Variants in MARCHF8 observed in about 807,000 individuals in gnomAD.
MARCHF8 encodes the protein E3 ubiquitin-protein ligase MARCHF8.
MARCHF8 carries 40 observed loss-of-function variants against 51.6 expected under a neutral mutation model. That is an observed-to-expected ratio of 0.77 (90% confidence interval 0.60 to 1.01). MARCHF8 has a LOEUF of 1.01. MARCHF8 is among the 50% of genes least tolerant of loss of function. MARCHF8 has a pLI of 0.00. For synonymous variants in MARCHF8, 263 were observed against 280.3 expected, an observed-to-expected ratio of 0.94 and a Z score of 0.62; for missense variants, 685 against 708.6, an observed-to-expected ratio of 0.97 and a Z score of 0.38.
At chr10:45,543,573 C>T (rs986201637) in intron 1 of MARCHF8, among the ~76,000 whole-genome samples, 4 of 151,116 alleles carry the variant, frequency 2.6e-5, no homozygotes, top group South Asian at 2.1e-4. Context: ...CCGAGGCAGG[C>T]GGATCACAAG....
chr10:45,529,058 G>A (rs1278602998), intron 2 of MARCHF8, among the ~76,000 whole-genome samples: 1 of 152,174 alleles, frequency 6.6e-6, no homozygotes, highest in East Asian at 1.9e-4. Flanking sequence ...CAAATTACTT[G>A]ACTTCAAATT....
chr10:45,505,076 A>T lies in MARCHF8; in HGVS notation c.103-15659T>A, dbSNP rs1042569172. ...TTAATCAAGATCTCACTGTTCAAAA[A>T]ACAAGACATATTATTAATCCAGCTA... is the stretch of plus-strand genomic sequence containing the variant. On this transcript the variant is annotated intron_variant, in intron 2 of 7. Transcript: ENST00000453424. 3.3e-5 allele frequency among the ~76,000 whole-genome samples: 5 copies of T among 152,226 alleles called. No individual in the cohort carries two copies. In the East Asian group the frequency reaches 7.7e-4, roughly 23 times the overall value.
intron 2 of MARCHF8, among the ~76,000 whole-genome samples, chr10:45,528,439 T>C (rs939400935): frequency 6.6e-6 from 1 of 151,930 alleles, no homozygotes; most frequent in Non-Finnish European, 1.5e-5. Context: ...ATCAGTAGTA[T>C]TTCTTTTGTT....
intron 1 of MARCHF8, among the ~76,000 whole-genome samples, chr10:45,568,567 A>G (rs1564519101): frequency 1.3e-5 from 2 of 151,930 alleles, no homozygotes; most frequent in African/African-American, 4.8e-5. Flanking sequence ...AAAAATACAA[A>G]AATTAGCTGG....
rs572336577 is a variant in MARCHF8 at position 45,457,824 on chromosome 10, C to T, written c.*415G>A. The T allele has an allele frequency of 7.7e-4, 129 of 167,772 alleles. No homozygotes were observed. The highest frequency in any genetic ancestry group is 1.6e-3 in the Admixed American group (25 of 15,812). The allele number at this position is 167,772 out of a possible 1,614,324, so 10.4% of individuals were successfully genotyped here. On this transcript the variant is annotated 3_prime_UTR_variant, in exon 8 of 8. Coordinates refer to ENST00000453424, the MANE Select transcript of MARCHF8 (RefSeq NM_001282866.2). The stretch of plus-strand genomic sequence containing the variant: ...CGCCGTGATGCAGAGGGAATCTTCT[C>T]GTCATGGCTAGACACTCCCCAATGC...
chr10:45,549,810 C>T (rs988159042), intron 1 of MARCHF8, among the ~76,000 whole-genome samples: 1 of 152,210 alleles, frequency 6.6e-6, no homozygotes, highest in Non-Finnish European at 1.5e-5. Context: ...CCATCCCAGG[C>T]ACATGCTCTC....
At chr10:45,592,661 G>A (rs189394608) in intron 1 of MARCHF8, among the ~76,000 whole-genome samples, 3 of 152,242 alleles carry the variant, frequency 2.0e-5, no homozygotes, top group Non-Finnish European at 4.4e-5. Context: ...GTGAATCAAC[G>A]ACAACCCTCA....
At chr10:45,525,688 C>CAA (rs1330915364) in intron 2 of MARCHF8, among the ~76,000 whole-genome samples, 5 of 152,168 alleles carry the variant, frequency 3.3e-5, no homozygotes, top group Admixed American at 2.0e-4. Flanking sequence ...TCAAGAAAAT[C>CAA]AGTCATAAAT....
chr10:45,594,700 T>A (rs1048636974), exon 1 of MARCHF8: 27 of 149,966 alleles, frequency 1.8e-4, no homozygotes, highest in African/African-American at 6.6e-4. Flanking sequence ...CGGCCGCCCT[T>A]ATTGGCGGCC....
chr10:45,577,094 G>A (rs1196505751), intron 1 of MARCHF8, among the ~76,000 whole-genome samples: 1 of 152,208 alleles, frequency 6.6e-6, no homozygotes, highest in East Asian at 1.9e-4. Context: ...TCATCAAAGA[G>A]CCAGAGGGTG....
rs1387811470 is a variant in MARCHF8, at chr10:45,463,487, G to T, written c.752C>A (p.Ala251Asp). ...LLLEEKADGEATSRSRQLLQY... is the reference protein window; with the variant it reads ...LLLEEKADGEDTSRSRQLLQY... Reference sequence around the variant, plus strand: ...GAGCAGTTGCCGGCTTCGGGACGTGGCCTCACCATCCGCCTTCTCTTCCAG... The same window carrying T: ...GAGCAGTTGCCGGCTTCGGGACGTGTCCTCACCATCCGCCTTCTCTTCCAG... The change falls in exon 5 of 8, where the codon GCC (alanine) becomes GAC (aspartate). Residue 251 changes from alanine to aspartate, a missense_variant. Transcript: ENST00000453424. The T allele has an allele frequency of 6.4e-7, 1 of 1,550,648 alleles. No homozygotes were observed. The highest frequency in any genetic ancestry group is 8.7e-7 in the Non-Finnish European group (1 of 1,147,012).
intron 2 of MARCHF8, among the ~76,000 whole-genome samples, chr10:45,511,714 A>G (rs2043510995): frequency 1.3e-5 from 2 of 152,120 alleles, no homozygotes; most frequent in South Asian, 2.1e-4. Context: ...TCAGTGCTCA[A>G]TGGTGCCCAG....
chr10:45,491,819 T>C (rs2043085345), intron 2 of MARCHF8, among the ~76,000 whole-genome samples: 2 of 152,178 alleles, frequency 1.3e-5, no homozygotes, highest in African/African-American at 2.4e-5. Flanking sequence ...AGAAAGCCAA[T>C]TATAACCACT....
At chr10:45,475,748 G>A (rs143617774) in intron 3 of MARCHF8, among the ~76,000 whole-genome samples, 48 of 152,180 alleles carry the variant, frequency 3.2e-4, no homozygotes, top group African/African-American at 1.1e-3. Context: ...GTTTGAGCAA[G>A]CTACAAGGAG....
intron 3 of MARCHF8, among the ~76,000 whole-genome samples, chr10:45,479,277 T>C (rs946236022): frequency 6.6e-6 from 1 of 152,118 alleles, no homozygotes; most frequent in Admixed American, 6.5e-5. Flanking sequence ...GAAAAGGCAT[T>C]TGGTAAAATT....
chr10:45,490,261 A>G (rs767653788), intron 2 of MARCHF8, among the ~76,000 whole-genome samples: 1 of 152,250 alleles, frequency 6.6e-6, no homozygotes, highest in African/African-American at 2.4e-5. Flanking sequence ...TCCTCAGAAT[A>G]TAACTATTTG....
intron 2 of MARCHF8, among the ~76,000 whole-genome samples, chr10:45,501,628 GA>G (rs1383644876): frequency 6.6e-6 from 1 of 152,060 alleles, no homozygotes; most frequent in African/African-American, 2.4e-5. Flanking sequence ...ATCCATTTAA[GA>G]AACTGATCAA....
intron 5 of MARCHF8, among the ~76,000 whole-genome samples, chr10:45,462,907 T>C (rs1474518723): frequency 2.0e-5 from 3 of 152,210 alleles, no homozygotes; most frequent in Non-Finnish European, 2.9e-5. Context: ...ATTACAGGCG[T>C]GAGCCACTGC....
At chr10:45,459,071 T>C (rs1413003723) in intron 7 of MARCHF8, 49 bp downstream of exon 7, 1 of 1,607,932 alleles carries the variant, frequency 6.2e-7, no homozygotes, top group Non-Finnish European at 8.5e-7. Context: ...AGGACTCCTG[T>C]GAGCTATCCC....
Sources: allele counts gnomAD v4.1 joint callset (sites outside exome capture counted in the v4.1 genomes callset), GRCh38; gene constraint gnomAD v4.1.1; transcripts MANE v1.5; gene names NCBI Gene and HGNC (gene_info 2026-07-23, HGNC 2026-07-21).